BTBD9: variants seen among roughly 807,000 people sequenced by gnomAD.
The protein encoded by BTBD9 is BTB/POZ domain-containing protein 9.
A neutral mutation model predicts 64.3 loss-of-function variants in BTBD9; 49 were observed. The observed-to-expected ratio is 0.76, with a 90% CI of 0.61 to 0.97. BTBD9 has a LOEUF of 0.97. Among genes scored for constraint, BTBD9 ranks in the 50% least tolerant of loss-of-function variants. BTBD9 has a pLI of 0.00. For missense variants in BTBD9, 598 were observed against 762.1 expected, an observed-to-expected ratio of 0.78 and a Z score of 2.53; for synonymous variants, 260 against 274.7, an observed-to-expected ratio of 0.95 and a Z score of 0.53.
At chr6:38,552,025 T>C (rs1774821182) in intron 6 of BTBD9, among the ~76,000 whole-genome samples, 1 of 152,236 alleles carries the variant, frequency 6.6e-6, no homozygotes, top group Non-Finnish European at 1.5e-5. Flanking sequence ...TCTCTCCATA[T>C]GCATTTACAT....
intron 6 of BTBD9, among the ~76,000 whole-genome samples, chr6:38,374,525 T>C (rs1332119352): frequency 1.3e-5 from 2 of 151,426 alleles, no homozygotes; most frequent in African/African-American, 4.9e-5. Flanking sequence ...AGTTCTGGGA[T>C]TAAGGGTGTG....
At chr6:38,233,571 A>G (rs375131040) in intron 9 of BTBD9, among the ~76,000 whole-genome samples, 3 of 152,256 alleles carry the variant, frequency 2.0e-5, no homozygotes, top group African/African-American at 7.2e-5. Context: ...AAGTTTCAAC[A>G]CAGCCACTGC....
Position 38,288,442 on chromosome 6 carries a change from T to C in BTBD9, c.1284A>G (p.Ala428=), listed in dbSNP as rs1761829789. ...TCACACTGGCACAATCAGCAATTGT[T>C]GCAACATTCTCCATGGGAACTGTGA... ...KGLIVPMENV[A]TIADCASVIE... is the part of the protein sequence containing the mutation. Residue 428 remains alanine, a synonymous_variant, in exon 8 of 11, where the codon GCA becomes GCG. Transcript: ENST00000481247. 6.2e-7 allele frequency: 1 copy of C among 1,613,942 alleles called. No homozygotes were observed. Among genetic ancestry groups the C allele is most frequent in the African/African-American group, 1.3e-5 (1 of 75,030 alleles).
chr6:38,364,606 T>C (rs1052445788), intron 6 of BTBD9, among the ~76,000 whole-genome samples: 3 of 152,198 alleles, frequency 2.0e-5, no homozygotes, highest in Admixed American at 6.5e-5. Context: ...TTGCCTGACC[T>C]TGGCAGCTAA....
At chr6:38,246,469 TG>T (rs1207587157) in intron 9 of BTBD9, among the ~76,000 whole-genome samples, 1 of 152,088 alleles carries the variant, frequency 6.6e-6, no homozygotes, top group East Asian at 1.9e-4. Flanking sequence ...TACGTGTGTG[TG>T]TGTGTGTATT....
intron 6 of BTBD9, among the ~76,000 whole-genome samples, chr6:38,414,838 T>C (rs994777191): frequency 6.6e-6 from 1 of 152,166 alleles, no homozygotes; most frequent in African/African-American, 2.4e-5. Flanking sequence ...TGTGCCCGGC[T>C]TTCTCCTTTT....
chr6:38,261,108 A>T (rs933660777), intron 8 of BTBD9, among the ~76,000 whole-genome samples: 3 of 144,348 alleles, frequency 2.1e-5, no homozygotes, highest in Non-Finnish European at 4.6e-5. Flanking sequence ...CCCAGCTGAT[A>T]TTTTTTTTTT....
chr6:38,268,276 C>T (rs1474132079), intron 8 of BTBD9, among the ~76,000 whole-genome samples: 2 of 152,194 alleles, frequency 1.3e-5, no homozygotes, highest in Non-Finnish European at 2.9e-5. Flanking sequence ...TAGGTGCCCA[C>T]ACGCACAGCC....
At chr6:38,309,731 C>T (rs964002429) in intron 7 of BTBD9, among the ~76,000 whole-genome samples, 3 of 151,616 alleles carry the variant, frequency 2.0e-5, no homozygotes, top group African/African-American at 4.8e-5. Context: ...TTTTTTTTAA[C>T]GATCCTTTAA....
intron 6 of BTBD9, among the ~76,000 whole-genome samples, chr6:38,501,336 C>G (rs1772188735): frequency 6.6e-6 from 1 of 152,122 alleles, no homozygotes. Context: ...GAATGCTCAA[C>G]CAGTAGGTAT....
intron 8 of BTBD9, among the ~76,000 whole-genome samples, chr6:38,269,980 C>T (rs111783575): frequency 6.6e-6 from 1 of 152,086 alleles, no homozygotes; most frequent in Non-Finnish European, 1.5e-5. Flanking sequence ...CCAGGCTTTC[C>T]GGTGATAGAC....
At chr6:38,512,645 C>T (rs1229171193) in intron 6 of BTBD9, among the ~76,000 whole-genome samples, 2 of 152,166 alleles carry the variant, frequency 1.3e-5, no homozygotes, top group Non-Finnish European at 2.9e-5. Flanking sequence ...CACACAAAAA[C>T]AAACACACAA....
At chr6:38,634,466 A>G (rs530794745) in intron 1 of BTBD9, among the ~76,000 whole-genome samples, 1 of 152,232 alleles carries the variant, frequency 6.6e-6, no homozygotes, top group South Asian at 2.1e-4. Context: ...AACAGGGAAT[A>G]TATTATTTGC....
intron 8 of BTBD9, among the ~76,000 whole-genome samples, chr6:38,266,663 A>C (rs1414180109): frequency 7.8e-6 from 1 of 128,864 alleles, no homozygotes; most frequent in Non-Finnish European, 1.6e-5. Flanking sequence ...AGAAAGAAAG[A>C]AAGAAAGAAA....
intron 6 of BTBD9, among the ~76,000 whole-genome samples, chr6:38,461,422 T>C (rs1216416843): frequency 3.3e-5 from 5 of 152,214 alleles, no homozygotes; most frequent in Non-Finnish European, 7.3e-5. Context: ...TCATACAGTA[T>C]GTATTATTTT....
intron 7 of BTBD9, among the ~76,000 whole-genome samples, chr6:38,309,405 C>G (rs566068317): frequency 6.6e-6 from 1 of 151,280 alleles, no homozygotes; most frequent in Non-Finnish European, 1.5e-5. Flanking sequence ...AAAAAAACCA[C>G]GAAAAAGTGG....
intron 9 of BTBD9, among the ~76,000 whole-genome samples, chr6:38,227,497 G>C (rs1763438251): frequency 6.6e-6 from 1 of 152,190 alleles, no homozygotes; most frequent in South Asian, 2.1e-4. Context: ...GTCAGTTACT[G>C]TCCCTATCCC....
intron 7 of BTBD9, among the ~76,000 whole-genome samples, chr6:38,294,570 C>T (rs997337838): frequency 1.6e-4 from 24 of 152,110 alleles, no homozygotes; most frequent in African/African-American, 5.3e-4. Context: ...CCAAACCCCA[C>T]ATGTTCTCAC....
intron 6 of BTBD9, among the ~76,000 whole-genome samples, chr6:38,550,401 A>G (rs1015068736): frequency 2.1e-5 from 3 of 144,326 alleles, no homozygotes; most frequent in Admixed American, 7.0e-5. Flanking sequence ...ACTGCAACCT[A>G]TGCCTCCCGG....
Sources: gnomAD v4.1 joint callset for allele counts (sites outside exome capture counted in the v4.1 genomes callset) on GRCh38, gnomAD v4.1.1 for gene constraint, MANE v1.5 for transcripts, NCBI Gene and HGNC (gene_info 2026-07-23, HGNC 2026-07-21) for gene names.